The following CYP19A1 variants were observed in gnomAD, a reference collection of about 807,000 sequenced individuals.
CYP19A1 encodes aromatase.
A neutral mutation model predicts 44.4 loss-of-function variants in CYP19A1; 32 were observed. That is an observed-to-expected ratio of 0.72 (90% CI 0.54 to 0.97). The LOEUF (loss-of-function observed/expected upper bound fraction) is 0.97, where lower values mean the gene tolerates loss of function less well. Ranked by LOEUF, CYP19A1 falls within the 50% of genes least tolerant of loss-of-function variation. The pLI is 0.00. For missense variants in CYP19A1, 598 were observed against 637.8 expected (o/e 0.94, Z 0.67); for synonymous variants, 212 against 215.6 (o/e 0.98, Z 0.14).
Position 51,314,574 on chromosome 15 carries a change from T to C in CYP19A1, c.-39+23921A>G, listed in dbSNP as rs3751590. Among the ~76,000 whole-genome samples the C allele has an allele frequency of 1.2e-3, 185 of 152,310 alleles. 2 individuals carry two copies. The East Asian group carries it at 0.032, about 26-fold the overall frequency. Reference sequence around the variant, plus strand: ...CTTTGGGACTCTCCCAAGAAAACCATGACCAAATCATGCTAAACAAATCAC... The same window carrying C: ...CTTTGGGACTCTCCCAAGAAAACCACGACCAAATCATGCTAAACAAATCAC... On this transcript the variant is annotated intron_variant, in intron 1 of 9. Coordinates refer to ENST00000396402, the MANE Select transcript of CYP19A1 (RefSeq NM_000103.4).
intron 1 of CYP19A1, among the ~76,000 whole-genome samples, chr15:51,268,827 C>G (rs527645757): frequency 3.3e-5 from 5 of 152,210 alleles, no homozygotes; most frequent in African/African-American, 1.2e-4. Context: ...TGAGCATTTT[C>G]AAATGAACTT....
At chr15:51,314,066 A>G (rs1030591354) in intron 1 of CYP19A1, 1 of 151,354 alleles carries the variant, frequency 6.6e-6, no homozygotes, top group African/African-American at 2.4e-5. Flanking sequence ...AACGTCTCTG[A>G]GTCTCGGTTT....
chr15:51,242,776 G>A lies in CYP19A1; in HGVS notation c.137C>T (p.Ser46Leu). The change falls in exon 2 of 10, where the codon TCA (serine) becomes TTA (leucine). Residue 46 changes from serine to leucine, a missense_variant. Ser to Leu is a moderately radical substitution (Grantham distance 145). Coordinates refer to ENST00000396402, the MANE Select transcript of CYP19A1 (RefSeq NM_000103.4). ...ATAAATGACTGACTTACCTGGTATT[G>A]AGGATGTGCCCTCATAATTCCACAC... ...LLVWNYEGTSSIPGPGYCMGI... is the reference protein window; with the variant it reads ...LLVWNYEGTSLIPGPGYCMGI... The A allele has an allele frequency of 6.4e-7, 1 of 1,557,434 alleles. No homozygotes were observed. Among genetic ancestry groups the A allele is most frequent in the Non-Finnish European group, 8.9e-7 (1 of 1,128,374 alleles).
chr15:51,258,753 G>A (rs772852103), intron 1 of CYP19A1, among the ~76,000 whole-genome samples: 7 of 152,158 alleles, frequency 4.6e-5, no homozygotes, highest in Non-Finnish European at 7.3e-5. Flanking sequence ...TCTAAGGTAA[G>A]GTCTGTTGAA....
chr15:51,314,981 C>A (rs1482722649), intron 1 of CYP19A1, among the ~76,000 whole-genome samples: 2 of 152,148 alleles, frequency 1.3e-5, no homozygotes, highest in African/African-American at 4.8e-5. Context: ...AAGCCACTGT[C>A]CCTGGCAACA....
At chr15:51,231,858 C>T (rs2033063427) in intron 3 of CYP19A1, among the ~76,000 whole-genome samples, 1 of 151,956 alleles carries the variant, frequency 6.6e-6, no homozygotes, top group Non-Finnish European at 1.5e-5. Context: ...CTCCACAATC[C>T]CCAACGACCC....
intron 1 of CYP19A1, among the ~76,000 whole-genome samples, chr15:51,330,304 T>C (rs1241587769): frequency 1.3e-5 from 2 of 151,860 alleles, no homozygotes; most frequent in East Asian, 3.9e-4. Flanking sequence ...AGCGACATCG[T>C]TGAGGTGTGT....
At chr15:51,232,161 C>G (rs2033085739) in intron 3 of CYP19A1, among the ~76,000 whole-genome samples, 1 of 152,210 alleles carries the variant, frequency 6.6e-6, no homozygotes, top group South Asian at 2.1e-4. Flanking sequence ...GAAGACTTGT[C>G]TACACTTGCT....
intron 1 of CYP19A1, among the ~76,000 whole-genome samples, chr15:51,254,838 A>G (rs749991666): frequency 3.3e-5 from 5 of 152,204 alleles, no homozygotes; most frequent in Non-Finnish European, 5.9e-5. Context: ...AAGTCTCCTC[A>G]GGTATAAACT....
intron 1 of CYP19A1, among the ~76,000 whole-genome samples, chr15:51,256,843 A>C (rs576509290): frequency 6.6e-6 from 1 of 152,326 alleles, no homozygotes; most frequent in East Asian, 1.9e-4. Flanking sequence ...TCAAAAAACA[A>C]AGCGATCAGG....
At chr15:51,274,019 AC>A (rs2035218854) in intron 1 of CYP19A1, among the ~76,000 whole-genome samples, 3 of 152,108 alleles carry the variant, frequency 2.0e-5, no homozygotes, top group East Asian at 3.9e-4. Flanking sequence ...ACACACACAC[AC>A]ACACACAAAA....
chr15:51,211,638 A>G (rs1356019939), intron 9 of CYP19A1: 5 of 434,946 alleles, frequency 1.1e-5, no homozygotes, highest in Non-Finnish European at 1.4e-5. Flanking sequence ...TAGAAACAAA[A>G]TGAATTAGAG....
chr15:51,274,559 T>C (rs946241614), intron 1 of CYP19A1, among the ~76,000 whole-genome samples: 1 of 152,190 alleles, frequency 6.6e-6, no homozygotes, highest in African/African-American at 2.4e-5. Context: ...TGCCTACAAA[T>C]ACCATCATAT....
At position 51,276,750 on chromosome 15, in the gene CYP19A1, A is replaced by G. The variant is rs2035322506; in HGVS notation, c.-38-33800T>C. On this transcript the variant is annotated intron_variant, in intron 1 of 9. Transcript: ENST00000396402. Reference sequence around the variant, plus strand: ...TCAAGCAAAGTCTCCACAAAAATGAATTCTTCCTGCCTGAAGTCGGTAGCA... The same window carrying G: ...TCAAGCAAAGTCTCCACAAAAATGAGTTCTTCCTGCCTGAAGTCGGTAGCA... 2.0e-5 allele frequency among the ~76,000 whole-genome samples: 3 copies of G among 152,218 alleles called. No homozygotes were observed. In the South Asian group the frequency reaches 6.2e-4, roughly 32 times the overall value.
At chr15:51,244,253 T>C (rs1035988469) in intron 1 of CYP19A1, among the ~76,000 whole-genome samples, 1 of 152,256 alleles carries the variant, frequency 6.6e-6, no homozygotes, top group South Asian at 2.1e-4. Flanking sequence ...CTCTGATCTA[T>C]ATGAGATCTT....
chr15:51,262,159 G>A (rs757078714), intron 1 of CYP19A1, among the ~76,000 whole-genome samples: 1 of 152,210 alleles, frequency 6.6e-6, no homozygotes, highest in Non-Finnish European at 1.5e-5. Flanking sequence ...TAGCATGAGC[G>A]ATCTGTGCCT....
chr15:51,232,265 TC>T, intron 3 of CYP19A1, among the ~76,000 whole-genome samples: 1 of 152,328 alleles, frequency 6.6e-6, no homozygotes, highest in South Asian at 2.1e-4. Flanking sequence ...ACCTGTGACC[TC>T]CCTGTTGCTA....
At chr15:51,222,650 G>A in intron 4 of CYP19A1, 125 bp from the exon 5 acceptor site, 1 of 772,366 alleles carries the variant, frequency 1.3e-6, no homozygotes, top group South Asian at 1.5e-5. Context: ...TTGGGTGGAA[G>A]TTTTCATAAT....
chr15:51,334,805 G>A (rs2036752245), intron 1 of CYP19A1, among the ~76,000 whole-genome samples: 2 of 152,214 alleles, frequency 1.3e-5, no homozygotes, highest in South Asian at 2.1e-4. Flanking sequence ...CCTGGCTGCA[G>A]AGATTAAGAT....
Sources: gnomAD v4.1 joint callset for allele counts (sites outside exome capture counted in the v4.1 genomes callset) on GRCh38, gnomAD v4.1.1 for gene constraint, MANE v1.5 for transcripts, NCBI Gene and HGNC (gene_info 2026-07-23, HGNC 2026-07-21) for gene names.